The following PDZD2 variants were observed in gnomAD, a reference collection of about 807,000 sequenced individuals.
PDZD2 encodes the protein PDZ domain containing 2.
PDZD2 carries 90 observed loss-of-function variants against 220.7 expected under a neutral mutation model. The observed-to-expected ratio is 0.41, with a 90% CI of 0.34 to 0.49. PDZD2 has a LOEUF of 0.49. Among genes scored for constraint, PDZD2 ranks in the 20% least tolerant of loss-of-function variants. The probability of loss-of-function intolerance (pLI) is 0.28; values close to 1 mark genes in which losing one functional copy is unlikely to be tolerated. For synonymous variants in PDZD2, 1,375 were observed against 1,450.5 expected (o/e 0.95, Z 1.18); for missense variants, 3,174 against 3,608.5 (o/e 0.88, Z 3.08).
chr5:31,836,008 A>T (rs1028990104), intron 2 of PDZD2, among the ~76,000 whole-genome samples: 3 of 152,166 alleles, frequency 2.0e-5, no homozygotes, highest in Non-Finnish European at 4.4e-5. Context: ...AATGTCCATG[A>T]TTGTCCACCT....
At chr5:31,725,300 T>C (rs1353435037) in intron 1 of PDZD2, among the ~76,000 whole-genome samples, 2 of 143,748 alleles carry the variant, frequency 1.4e-5, no homozygotes, top group African/African-American at 2.6e-5. Context: ...ATCATGCCAT[T>C]GCACTCCAGC....
chr5:31,782,707 A>ATTTTTTTTTTTTTTT (rs34166035), intron 1 of PDZD2, among the ~76,000 whole-genome samples: 1 of 96,522 alleles, frequency 1.0e-5, no homozygotes, highest in Non-Finnish European at 1.9e-5. Context: ...ACCACTTTAG[A>ATTTTTTTTTTTTTTT]TTTTTTTTTT....
intron 2 of PDZD2, among the ~76,000 whole-genome samples, chr5:31,896,233 A>C (rs1449768466): frequency 1.3e-5 from 2 of 151,830 alleles, no homozygotes; most frequent in Admixed American, 6.6e-5. Context: ...TTGAGAGTCC[A>C]TGTCAGCTGG....
At chr5:31,739,174 C>T (rs777945193) in intron 1 of PDZD2, among the ~76,000 whole-genome samples, 7 of 152,184 alleles carry the variant, frequency 4.6e-5, no homozygotes, top group Non-Finnish European at 8.8e-5. Context: ...GCGTGAGCCA[C>T]CACACCGGGC....
chr5:31,762,299 T>C (rs1385124354), intron 1 of PDZD2, among the ~76,000 whole-genome samples: 2 of 151,966 alleles, frequency 1.3e-5, no homozygotes, highest in African/African-American at 4.8e-5. Context: ...TGTTGTTGTT[T>C]TGAGACCAAG....
intron 1 of PDZD2, among the ~76,000 whole-genome samples, chr5:31,688,053 GA>G (rs1360245848): frequency 3.9e-5 from 6 of 152,134 alleles, no homozygotes; most frequent in African/African-American, 1.4e-4. Context: ...TGAATCTTTA[GA>G]AAGGTCAAGC....
chr5:31,685,716 G>A (rs55929738), intron 1 of PDZD2, among the ~76,000 whole-genome samples: 2 of 151,878 alleles, frequency 1.3e-5, no homozygotes, highest in Non-Finnish European at 2.9e-5. Context: ...TAAAAACGAG[G>A]TTTCACCATG....
At chr5:31,692,480 C>G (rs1245991026) in intron 1 of PDZD2, among the ~76,000 whole-genome samples, 1 of 152,236 alleles carries the variant, frequency 6.6e-6, no homozygotes, top group African/African-American at 2.4e-5. Flanking sequence ...GAGGAGGTGC[C>G]GAGAGCGAGC....
intron 1 of PDZD2, among the ~76,000 whole-genome samples, chr5:31,689,508 T>G (rs551914208): frequency 6.6e-6 from 1 of 151,560 alleles, no homozygotes; most frequent in Non-Finnish European, 1.5e-5. Context: ...CACAAGGTAT[T>G]GCTGTACGAG....
chr5:31,694,513 T>C (rs189256989), intron 1 of PDZD2, among the ~76,000 whole-genome samples: 2 of 152,336 alleles, frequency 1.3e-5, no homozygotes, highest in Non-Finnish European at 2.9e-5. Flanking sequence ...TTGTGGGTAG[T>C]GATTGTATCT....
chr5:31,852,046 G>T (rs550552194), intron 2 of PDZD2, among the ~76,000 whole-genome samples: 2 of 151,952 alleles, frequency 1.3e-5, no homozygotes, highest in Non-Finnish European at 2.9e-5. Context: ...CAGTAGAGAC[G>T]GGGTTTCACC....
chr5:32,004,031 A>C (rs993427693), intron 5 of PDZD2, among the ~76,000 whole-genome samples: 2 of 151,882 alleles, frequency 1.3e-5, no homozygotes, highest in East Asian at 3.9e-4. Context: ...AGTTTGGAAA[A>C]TGGGGAAGGG....
intron 2 of PDZD2, chr5:31,847,732 A>C (rs891195696): frequency 8.4e-6 from 5 of 597,848 alleles, no homozygotes; most frequent in Non-Finnish European, 1.6e-5. Flanking sequence ...TACCACTGAC[A>C]ATACAGTTTT....
chr5:31,927,167 A>G (rs1744861345), intron 2 of PDZD2, among the ~76,000 whole-genome samples: 2 of 152,204 alleles, frequency 1.3e-5, no homozygotes, highest in South Asian at 4.1e-4. Flanking sequence ...GCATCATACA[A>G]TATACCCAGG....
At chr5:32,096,154 C>G (rs1414449385) in intron 21 of PDZD2, among the ~76,000 whole-genome samples, 1 of 152,110 alleles carries the variant, frequency 6.6e-6, no homozygotes, top group East Asian at 1.9e-4. Context: ...GGACAAAGAC[C>G]ATTTACTGGG....
chr5:31,737,465 C>T (rs1749977356), intron 1 of PDZD2, among the ~76,000 whole-genome samples: 1 of 152,120 alleles, frequency 6.6e-6, no homozygotes, highest in Non-Finnish European at 1.5e-5. Context: ...AGCTACCGCG[C>T]CCGGCCAGAG....
chr5:31,740,890 A>G (rs905739303), intron 1 of PDZD2, among the ~76,000 whole-genome samples: 26 of 152,208 alleles, frequency 1.7e-4, no homozygotes, highest in Admixed American at 8.5e-4. Flanking sequence ...TAAAGCATCA[A>G]TGATTTCACC....
intron 1 of PDZD2, among the ~76,000 whole-genome samples, chr5:31,797,889 C>T (rs186149709): frequency 2.6e-5 from 4 of 152,204 alleles, no homozygotes; most frequent in African/African-American, 9.6e-5. Flanking sequence ...TTGGATGGCA[C>T]GGTTTATATT....
intron 1 of PDZD2, among the ~76,000 whole-genome samples, chr5:31,782,283 C>T (rs1005030566): frequency 2.6e-5 from 4 of 152,112 alleles, no homozygotes; most frequent in Non-Finnish European, 4.4e-5. Flanking sequence ...TTACATGGGA[C>T]ATACCTACAT....
Sources: gnomAD v4.1 joint callset for allele counts (sites outside exome capture counted in the v4.1 genomes callset) on GRCh38, gnomAD v4.1.1 for gene constraint, MANE v1.5 for transcripts, NCBI Gene and HGNC (gene_info 2026-07-23, HGNC 2026-07-21) for gene names.